PXDNL: variants seen among roughly 807,000 people sequenced by gnomAD.
The protein encoded by PXDNL is peroxidasin like, also known as probable oxidoreductase PXDNL.
Under a neutral mutation model 150.8 loss-of-function variants are expected in PXDNL, and 145 were observed. The ratio of observed to expected loss-of-function variants is 0.96; its 90% CI spans 0.84 to 1.10. The LOEUF (loss-of-function observed/expected upper bound fraction) is 1.10. Among genes scored for constraint, PXDNL ranks in the 50% least tolerant of loss-of-function variants. The pLI is 0.00. For missense variants in PXDNL, 2,087 were observed against 1,873.9 expected (o/e 1.11, Z -2.10); for synonymous variants, 757 against 725.7 (o/e 1.04, Z -0.69).
In PXDNL at chr8:51,385,531, C is replaced by T. The variant is rs376645107; in HGVS notation, c.3558-10800G>A. Among the ~76,000 whole-genome samples the T allele has an allele frequency of 2.6e-5, 4 of 152,158 alleles. No individual in the cohort carries two copies. In the South Asian group the frequency reaches 8.3e-4, roughly 32 times the overall value. On this transcript the variant is annotated intron_variant, in intron 17 of 22. Coordinates refer to ENST00000356297, the MANE Select transcript of PXDNL (RefSeq NM_144651.5). ...CCTAAGGATTCCCTGAGTTTTCTAGCCACCAATCTAGACTAAAAAACGACT... is the reference window on the plus strand; with the variant it reads ...CCTAAGGATTCCCTGAGTTTTCTAGTCACCAATCTAGACTAAAAAACGACT...
At chr8:51,641,042 A>G (rs1307124012) in intron 2 of PXDNL, among the ~76,000 whole-genome samples, 4 of 152,178 alleles carry the variant, frequency 2.6e-5, no homozygotes, top group South Asian at 2.1e-4. Flanking sequence ...GCCCTCAGAA[A>G]TAACGCCACA....
At chr8:51,533,475 A>AGAACTGGTATG (rs772240983) in intron 4 of PXDNL, among the ~76,000 whole-genome samples, 2 of 139,674 alleles carry the variant, frequency 1.4e-5, no homozygotes, top group African/African-American at 5.7e-5. Flanking sequence ...AAGTTTGAGA[A>AGAACTGGTATG]GACCTCTCCC....
At chr8:51,484,632 C>A (rs1285591325) in intron 5 of PXDNL, among the ~76,000 whole-genome samples, 1 of 152,156 alleles carries the variant, frequency 6.6e-6, no homozygotes, top group Non-Finnish European at 1.5e-5. Context: ...GCCATTTCTA[C>A]ATGTCCGGAG....
At chr8:51,435,366 T>TG (rs1809370200) in intron 12 of PXDNL, among the ~76,000 whole-genome samples, 2 of 29,324 alleles carry the variant, frequency 6.8e-5, no homozygotes, top group African/African-American at 1.6e-4. Context: ...TTTGTTTGCT[T>TG]GTTTTTGTTT....
chr8:51,456,030 C>T (rs1274882210), intron 9 of PXDNL, among the ~76,000 whole-genome samples: 2 of 152,204 alleles, frequency 1.3e-5, no homozygotes, highest in African/African-American at 4.8e-5. Context: ...TTGCCACTAC[C>T]CTATCCATGC....
chr8:51,531,197 A>G (rs180959187), intron 4 of PXDNL, among the ~76,000 whole-genome samples: 2 of 152,326 alleles, frequency 1.3e-5, no homozygotes, highest in East Asian at 3.9e-4. Flanking sequence ...AAAGCTGTCT[A>G]GAGCTACCAA....
chr8:51,542,974 GCTGAAATAATAA>G lies in PXDNL; in HGVS notation c.380+13854_380+13865del, dbSNP rs1032530631. Among the ~76,000 whole-genome samples the G allele has an allele frequency of 8.7e-4, 133 of 152,172 alleles. 1 individual carries two copies. Among genetic ancestry groups the G allele is most frequent in the African/African-American group, 3.0e-3 (124 of 41,530 alleles). ...AAGTTAGCTCTGTCAGAAAGTAATT[GCTGAAATAATAA>G]TAACAAAATAATTAATATGGTAACA... On this transcript the variant is annotated intron_variant, in intron 4 of 22. Transcript: ENST00000356297.
chr8:51,351,360 T>C (rs1011519364), intron 19 of PXDNL, among the ~76,000 whole-genome samples: 3 of 152,114 alleles, frequency 2.0e-5, no homozygotes, highest in Non-Finnish European at 4.4e-5. Flanking sequence ...TAGAAGAAAT[T>C]TGGACACAGC....
intron 4 of PXDNL, among the ~76,000 whole-genome samples, chr8:51,535,544 C>A (rs571796785): frequency 0.019 from 2,409 of 127,054 alleles, 120 homozygotes; most frequent in African/African-American, 0.078. Flanking sequence ...GTCATCACCA[C>A]TCCCTAATCT....
intron 1 of PXDNL, among the ~76,000 whole-genome samples, chr8:51,796,359 C>T (rs2037560465): frequency 7.3e-6 from 1 of 136,706 alleles, no homozygotes; most frequent in South Asian, 2.3e-4. Flanking sequence ...AAAAAAAAAA[C>T]CTTCAAAAAA....
chr8:51,807,223 T>C (rs1331354332), intron 1 of PXDNL, among the ~76,000 whole-genome samples: 2 of 152,218 alleles, frequency 1.3e-5, no homozygotes, highest in African/African-American at 2.4e-5. Flanking sequence ...TTTGCTTGGC[T>C]TCTGGGGAGG....
chr8:51,624,076 G>A (rs1396099110), intron 2 of PXDNL, among the ~76,000 whole-genome samples: 2 of 143,460 alleles, frequency 1.4e-5, no homozygotes, highest in South Asian at 2.2e-4. Flanking sequence ...CTGGGTGACA[G>A]GGCAAGACCC....
At chr8:51,352,705 T>C (rs1806389374) in intron 19 of PXDNL, among the ~76,000 whole-genome samples, 1 of 152,190 alleles carries the variant, frequency 6.6e-6, no homozygotes, top group African/African-American at 2.4e-5. Context: ...TTGTAAATTA[T>C]CCAATCTCAG....
rs188586770 is a variant in PXDNL at position 51,785,400 on chromosome 8, G to A, written c.164+23781C>T. Among the ~76,000 whole-genome samples, 195 of 152,312 alleles carry A rather than the reference G, an allele frequency of 1.3e-3. 2 individuals are homozygous for A. The highest frequency in any genetic ancestry group is 1.9e-3 in the Non-Finnish European group (129 of 68,022). On this transcript the variant is annotated intron_variant, in intron 1 of 22. Transcript: ENST00000356297. ...AGTAATACATGTACAGGCAGACTTTGTCTTACGGTGCTTTGCTTTACTGTG... is the reference window on the plus strand; with the variant it reads ...AGTAATACATGTACAGGCAGACTTTATCTTACGGTGCTTTGCTTTACTGTG...
At chr8:51,652,832 CAAATT>C (rs1037126594) in intron 2 of PXDNL, among the ~76,000 whole-genome samples, 5 of 152,050 alleles carry the variant, frequency 3.3e-5, no homozygotes, top group African/African-American at 1.2e-4. Flanking sequence ...TATTTAGAAA[CAAATT>C]AATATTATCC....
rs1271722864 is a variant in PXDNL, at chr8:51,409,314, AG to A, written c.2309del (p.Pro770LeufsTer41). 4 of 1,423,640 alleles carry A rather than the reference AG, an allele frequency of 2.8e-6. No individual in the cohort carries two copies. In the East Asian group the frequency reaches 8.5e-5, roughly 30 times the overall value. 88.2% of individuals were successfully genotyped at this position (1,423,640 alleles called of 1,614,324 possible). A position where few individuals can be genotyped will look rare whatever the true frequency, so the allele number is the denominator to read the frequency against. On this transcript the variant is annotated frameshift_variant, in exon 17 of 23. Transcript: ENST00000356297. LOFTEE classifies it high-confidence loss of function. ...GIRAPRGLGL[P>X]VGSRQPLPPP... ...GCGGGAGGGGCTGGCGGGAGCCCAC[AG>A]GAAGGCCGAGCCCGCGGGGCGCGCG...
intron 1 of PXDNL, among the ~76,000 whole-genome samples, chr8:51,747,456 A>G (rs1158646464): frequency 6.6e-6 from 1 of 152,246 alleles, no homozygotes; most frequent in Non-Finnish European, 1.5e-5. Flanking sequence ...ACAGTGGAGA[A>G]TTACAAACTA....
At chr8:51,659,389 T>C (rs1158971549) in intron 1 of PXDNL, among the ~76,000 whole-genome samples, 1 of 152,206 alleles carries the variant, frequency 6.6e-6, no homozygotes, top group Non-Finnish European at 1.5e-5. Flanking sequence ...AAGAAATGTT[T>C]AATGCTCTTC....
At chr8:51,536,558 A>G (rs942941700) in intron 4 of PXDNL, among the ~76,000 whole-genome samples, 2 of 152,130 alleles carry the variant, frequency 1.3e-5, no homozygotes, top group Non-Finnish European at 2.9e-5. Flanking sequence ...GACACCATCC[A>G]GGGAACAGGC....
Sources: allele counts gnomAD v4.1 joint callset (sites outside exome capture counted in the v4.1 genomes callset), GRCh38; gene constraint gnomAD v4.1.1; transcripts MANE v1.5; gene names NCBI Gene and HGNC (gene_info 2026-07-23, HGNC 2026-07-21).